GYS1: variants seen among roughly 807,000 people sequenced by gnomAD.
The protein encoded by GYS1 is glycogen synthase 1.
A neutral mutation model predicts 89.1 loss-of-function variants in GYS1; 60 were observed. The observed-to-expected ratio is 0.67, with a 90% CI of 0.55 to 0.84. GYS1 has a LOEUF of 0.84. Among genes scored for constraint, GYS1 ranks in the 40% least tolerant of loss-of-function variants. The probability of loss-of-function intolerance (pLI) is 0.00; values close to 1 mark genes in which losing one functional copy is unlikely to be tolerated. For synonymous variants in GYS1, 366 were observed against 401.7 expected, an observed-to-expected ratio of 0.91 and a Z score of 1.06; for missense variants, 888 against 1,003.1, an observed-to-expected ratio of 0.89 and a Z score of 1.55.
chr19:48,969,908 C>A (rs1286477760), intron 14 of GYS1, 53 bp from the exon 15 acceptor site: 1 of 1,273,718 alleles, frequency 7.9e-7, no homozygotes, highest in Non-Finnish European at 1.1e-6. Flanking sequence ...GCCCCACCCC[C>A]AGGCAGATGA....
intron 14 of GYS1, chr19:48,970,150 T>A: frequency 2.0e-6 from 1 of 499,834 alleles, no homozygotes; most frequent in South Asian, 2.1e-5. Flanking sequence ...TTAAACACGG[T>A]CTTGTTCTGT....
At chr19:48,974,793 T>G in intron 10 of GYS1, 60 bp from the exon 11 acceptor site, 3 of 1,189,826 alleles carry the variant, frequency 2.5e-6, no homozygotes, top group Non-Finnish European at 3.8e-6. Context: ...CCCTACTTCC[T>G]CATGAGCCAT....
intron 5 of GYS1, 89 bp downstream of exon 5, chr19:48,985,372 A>AGT: frequency 7.5e-7 from 1 of 1,335,174 alleles, no homozygotes; most frequent in Non-Finnish European, 1.1e-6. Flanking sequence ...TTCAACTTAC[A>AGT]GTGGGCTTCT....
intron 5 of GYS1, among the ~76,000 whole-genome samples, chr19:48,983,253 A>T (rs2122511451): frequency 6.6e-6 from 1 of 152,268 alleles, no homozygotes; most frequent in Middle Eastern, 3.4e-3. Context: ...GGCCTCCTAA[A>T]GTGCTGGGAT....
At chr19:48,970,209 C>T in intron 14 of GYS1, 1 of 450,006 alleles carries the variant, frequency 2.2e-6, no homozygotes, top group South Asian at 2.2e-5. Context: ...ACTGCAGCCT[C>T]AACCTCCGGG....
At chr19:48,987,957 C>T (rs1039700078) in intron 2 of GYS1, among the ~76,000 whole-genome samples, 28 of 152,192 alleles carry the variant, frequency 1.8e-4, no homozygotes, top group Middle Eastern at 3.2e-3. Context: ...CCCGCCACCA[C>T]GCCCGGCTAC....
intron 8 of GYS1, among the ~76,000 whole-genome samples, chr19:48,980,040 G>A (rs1384037296): frequency 1.3e-5 from 2 of 152,072 alleles, no homozygotes; most frequent in South Asian, 2.1e-4. Context: ...AACCTCCAGG[G>A]CCAAAATGAT....
At chr19:48,990,007 G>GGGGT (rs1555800147) in intron 2 of GYS1, among the ~76,000 whole-genome samples, 1 of 150,378 alleles carries the variant, frequency 6.6e-6, no homozygotes, top group Non-Finnish European at 1.5e-5. Context: ...CTGGGGGGGG[G>GGGGT]GGGGGGCTAT....
intron 5 of GYS1, among the ~76,000 whole-genome samples, chr19:48,984,838 G>T (rs566768308): frequency 1.3e-5 from 2 of 151,600 alleles, no homozygotes; most frequent in African/African-American, 4.8e-5. Flanking sequence ...CCAAGATAGC[G>T]CCACTGCACT....
Position 48,981,600 on chromosome 19 carries a change from TGAA to T in GYS1, c.1096_1098del (p.Phe366del), listed in dbSNP as rs780183437. On this transcript the variant is annotated inframe_deletion, in exon 8 of 16. Transcript: ENST00000323798. ...AAATTGTTGGTCCGCGCTGGCATGA[TGAA>T]GAAGGCAACCACTGTCTGCTCGCTG... 6.8e-6 allele frequency: 11 copies of T among 1,613,590 alleles called. No homozygotes were observed. The highest frequency in any genetic ancestry group is 1.3e-5 in the African/African-American group (1 of 75,010).
intron 13 of GYS1, 108 bp from the exon 14 acceptor site, chr19:48,970,817 C>T (rs1012232014): frequency 7.1e-7 from 1 of 1,404,496 alleles, no homozygotes. Flanking sequence ...CGAGAGCCCC[C>T]CCATTTCCTG....
intron 8 of GYS1, among the ~76,000 whole-genome samples, chr19:48,979,331 C>CTTTTTT (rs1568620568): frequency 4.3e-5 from 2 of 46,354 alleles, no homozygotes; most frequent in Non-Finnish European, 9.3e-5. Context: ...TTTCTTTTTT[C>CTTTTTT]TTTTCTTTTT....
chr19:48,979,646 C>CTTTTTT (rs56291141), intron 8 of GYS1, among the ~76,000 whole-genome samples: 1 of 114,978 alleles, frequency 8.7e-6, no homozygotes, highest in Non-Finnish European at 1.8e-5. Context: ...CTCTTTCTTT[C>CTTTTTT]TTTTTTTTTT....
intron 10 of GYS1, among the ~76,000 whole-genome samples, chr19:48,975,608 TGG>T (rs2038633248): frequency 6.6e-6 from 1 of 152,006 alleles, no homozygotes; most frequent in South Asian, 2.1e-4. Context: ...TGGAGACTGC[TGG>T]GAGTTGTAGT....
rs924689223 is a variant in GYS1 at position 48,992,987 on chromosome 19, G to A, written c.118+8C>T. On this transcript the variant is annotated splice_region_variant and intron_variant, in intron 1 of 15. Transcript: ENST00000323798. ...CTCGTCAAGGGCCCCGACGCCTGGCGTGCTCACCCTTGTTAGCCACCTCCC... is the reference window on the plus strand; with the variant it reads ...CTCGTCAAGGGCCCCGACGCCTGGCATGCTCACCCTTGTTAGCCACCTCCC... 1 of 1,530,386 alleles carries A rather than the reference G, an allele frequency of 6.5e-7. No homozygotes were observed. The highest frequency in any genetic ancestry group is 9.1e-7 in the Non-Finnish European group (1 of 1,103,792). 94.8% of individuals were successfully genotyped at this position (1,530,386 alleles called of 1,614,324 possible).
At chr19:48,983,325 G>A (rs2038794518) in intron 5 of GYS1, among the ~76,000 whole-genome samples, 1 of 152,118 alleles carries the variant, frequency 6.6e-6, no homozygotes, top group South Asian at 2.1e-4. Flanking sequence ...CTGACTCCAA[G>A]ATGCCTTCTT....
chr19:48,980,098 C>T (rs1031668815), intron 8 of GYS1, among the ~76,000 whole-genome samples: 1 of 152,238 alleles, frequency 6.6e-6, no homozygotes. Flanking sequence ...CATCTTGCCT[C>T]ACTTTCTACC....
chr19:48,969,570 C>A lies in GYS1; in HGVS notation c.1932G>T (p.Pro644=). ...TGGAGTGTCGTGACAGCGAGGGCGA[C>A]GGTGGCACCGAGGCTGGCCGTGGGT... ...YRYPRPASVP[P]SPSLSRHSSP... The change falls in exon 16 of 16, where the codon CCG becomes CCT. Residue 644 remains proline (P), a synonymous_variant. Transcript: ENST00000323798. 1 of 1,538,712 alleles carries A rather than the reference C, an allele frequency of 6.5e-7. No homozygotes were observed. The highest frequency in any genetic ancestry group is 8.7e-7 in the Non-Finnish European group (1 of 1,146,938).
intron 2 of GYS1, among the ~76,000 whole-genome samples, chr19:48,990,855 C>T (rs1233129376): frequency 6.6e-6 from 1 of 152,210 alleles, no homozygotes; most frequent in Non-Finnish European, 1.5e-5. Flanking sequence ...AGTGCAGTGG[C>T]CCAATCGCAG....
Sources: allele counts gnomAD v4.1 joint callset (sites outside exome capture counted in the v4.1 genomes callset), GRCh38; gene constraint gnomAD v4.1.1; transcripts MANE v1.5; gene names NCBI Gene and HGNC (gene_info 2026-07-23, HGNC 2026-07-21).